Variants in DIP2B observed in about 807,000 individuals in gnomAD.
DIP2B encodes the protein disco-interacting protein 2 homolog B.
In DIP2B, 76 loss-of-function variants were observed where a neutral mutation model predicts 198.0. The ratio of observed to expected loss-of-function variants is 0.38; its 90% CI spans 0.32 to 0.46. The LOEUF is 0.46. DIP2B is among the 20% of genes least tolerant of loss of function. The pLI, the probability that DIP2B is intolerant of heterozygous loss-of-function variation, is 0.99. For missense variants in DIP2B, 1,559 were observed against 1,978.4 expected (o/e 0.79, Z 4.02); for synonymous variants, 701 against 739.1 (o/e 0.95, Z 0.84).
chr12:50,694,907 G>A (rs1521515), intron 14 of DIP2B, among the ~76,000 whole-genome samples: 134,827 of 152,030 alleles, frequency 0.89, 60,631 homozygotes, highest in Non-Finnish European at 0.98. Flanking sequence ...TTTAGCTTTA[G>A]AACAATTTAA....
At position 50,745,887 on chromosome 12, in the gene DIP2B, T is replaced by C. The variant is rs1940334621; in HGVS notation, c.*1048T>C. The C allele has an allele frequency of 6.6e-6, 1 of 152,200 alleles. No homozygotes were observed. The highest frequency in any genetic ancestry group is 2.1e-4 in the South Asian group (1 of 4,834). 9.4% of individuals were successfully genotyped at this position (152,200 alleles called of 1,614,324 possible). On this transcript the variant is annotated 3_prime_UTR_variant, in exon 38 of 38. Coordinates refer to ENST00000301180, the MANE Select transcript of DIP2B (RefSeq NM_173602.3). Reference sequence around the variant, plus strand: ...TGTGTCTACAGTTTATCCATATAACTTCTCTTCTGAAAACTGAGGAGTGTC... The same window carrying C: ...TGTGTCTACAGTTTATCCATATAACCTCTCTTCTGAAAACTGAGGAGTGTC...
At chr12:50,708,643 G>T (rs990231459) in intron 22 of DIP2B, 81 bp downstream of exon 22, 2 of 1,117,988 alleles carry the variant, frequency 1.8e-6, no homozygotes, top group Non-Finnish European at 2.6e-6. Flanking sequence ...CGATCAGCCA[G>T]TAATGCCACC....
intron 1 of DIP2B, among the ~76,000 whole-genome samples, chr12:50,575,868 C>T (rs1958655398): frequency 6.6e-6 from 1 of 152,052 alleles, no homozygotes; most frequent in Admixed American, 6.6e-5. Context: ...AGTGATTCTC[C>T]TGCCTCAGCC....
chr12:50,558,089 G>A (rs188830832), intron 1 of DIP2B, among the ~76,000 whole-genome samples: 343 of 10,836 alleles, frequency 0.032, 1 homozygote, highest in Admixed American at 0.069. Context: ...TTTCAGCTGA[G>A]CGCGGTAGCG....
chr12:50,617,695 G>A (rs1487320580), intron 1 of DIP2B, among the ~76,000 whole-genome samples: 1 of 152,072 alleles, frequency 6.6e-6, no homozygotes, highest in Non-Finnish European at 1.5e-5. Flanking sequence ...CATAGTTCCA[G>A]CTACTTGGAA....
At chr12:50,648,688 G>A (rs1445632757) in intron 3 of DIP2B, among the ~76,000 whole-genome samples, 1 of 135,322 alleles carries the variant, frequency 7.4e-6, no homozygotes, top group Non-Finnish European at 1.7e-5. Context: ...TTTTGAGTTG[G>A]GTTGTTCTTC....
intron 3 of DIP2B, among the ~76,000 whole-genome samples, chr12:50,643,043 TGA>T (rs977818347): frequency 6.6e-6 from 1 of 151,798 alleles, no homozygotes; most frequent in Non-Finnish European, 1.5e-5. Context: ...TGTGTGTGTG[TGA>T]GTGTGTGTGT....
intron 1 of DIP2B, among the ~76,000 whole-genome samples, chr12:50,543,390 A>G (rs974794812): frequency 3.9e-5 from 6 of 152,068 alleles, no homozygotes; most frequent in African/African-American, 1.4e-4. Flanking sequence ...CCCAGGTTCA[A>G]GCAATTCTCC....
At chr12:50,716,957 G>GTTTTTTT (rs1592140618) in intron 23 of DIP2B, among the ~76,000 whole-genome samples, 2 of 7,790 alleles carry the variant, frequency 2.6e-4, no homozygotes, top group African/African-American at 2.2e-4. Flanking sequence ...ACGAATTGTT[G>GTTTTTTT]CTTTTTTTTT....
Position 50,717,359 on chromosome 12 carries a change from C to CTTTTTTTTTTTTTTTTTT in DIP2B, c.2852-1343_2852-1326dup. ...GTGGCATGATCTCAGCTCACTGCAG[C>CTTTTTTTTTTTTTTTTTT]TTTTTTTTTTTTTTTTTTTTTTTTG... On this transcript the variant is annotated intron_variant, in intron 23 of 37. Transcript: ENST00000301180. Among the ~76,000 whole-genome samples the CTTTTTTTTTTTTTTTTTT allele has an allele frequency of 4.3e-5, 2 of 46,846 alleles. 1 individual carries two copies. The highest frequency in any genetic ancestry group is 1.6e-4 in the African/African-American group (2 of 12,416). The allele number at this position is 46,846 out of a possible 152,430, so 30.7% of individuals were successfully genotyped here. A position where few individuals can be genotyped will look rare whatever the true frequency, so the allele number is the denominator to read the frequency against.
At chr12:50,694,032 A>G (rs76643081) in intron 14 of DIP2B, among the ~76,000 whole-genome samples, 4 of 151,660 alleles carry the variant, frequency 2.6e-5, no homozygotes, top group Non-Finnish European at 4.4e-5. Flanking sequence ...TTTATCTAAC[A>G]AAAAAAAATT....
chr12:50,725,351 C>T (rs1020426783), intron 28 of DIP2B, among the ~76,000 whole-genome samples: 1 of 152,104 alleles, frequency 6.6e-6, no homozygotes, highest in Non-Finnish European at 1.5e-5. Context: ...CCCTGCCTGA[C>T]TTGAATATTT....
intron 1 of DIP2B, among the ~76,000 whole-genome samples, chr12:50,536,528 T>G (rs1958268942): frequency 6.6e-6 from 1 of 152,054 alleles, no homozygotes; most frequent in South Asian, 2.1e-4. Context: ...AGTTACATGT[T>G]GAATATTCTT....
At chr12:50,675,513 G>A in intron 7 of DIP2B, 65 bp downstream of exon 7, 1 of 1,486,180 alleles carries the variant, frequency 6.7e-7, no homozygotes, top group Non-Finnish European at 9.2e-7. Context: ...GTTACTATGT[G>A]TTAGGTACTG....
intron 1 of DIP2B, among the ~76,000 whole-genome samples, 168 bp downstream of exon 1, chr12:50,505,408 G>A (rs552261759): frequency 6.6e-6 from 1 of 152,310 alleles, no homozygotes; most frequent in Non-Finnish European, 1.5e-5. Flanking sequence ...ACCCCATTAA[G>A]TGGTTTCCTG....
intron 1 of DIP2B, among the ~76,000 whole-genome samples, chr12:50,623,552 C>G (rs1044033002): frequency 5.9e-5 from 9 of 151,730 alleles, no homozygotes; most frequent in Non-Finnish European, 2.9e-5. Flanking sequence ...CACACACTCT[C>G]ACTCACCCAA....
chr12:50,565,470 G>T, intron 1 of DIP2B, among the ~76,000 whole-genome samples: 1 of 152,194 alleles, frequency 6.6e-6, no homozygotes, highest in South Asian at 2.1e-4. Context: ...TAATTGTTTT[G>T]TATTTTTAGT....
chr12:50,576,849 G>T (rs1329366131), intron 1 of DIP2B, among the ~76,000 whole-genome samples: 4 of 151,360 alleles, frequency 2.6e-5, no homozygotes, highest in African/African-American at 9.7e-5. Context: ...TTCTCTCCCT[G>T]CAAACATCCC....
chr12:50,699,155 G>A lies in DIP2B; in HGVS notation c.2278G>A (p.Gly760Ser), dbSNP rs758108534. 9 of 1,614,102 alleles carry A rather than the reference G, an allele frequency of 5.6e-6. No homozygotes were observed. The highest frequency in any genetic ancestry group is 7.6e-6 in the Non-Finnish European group (9 of 1,180,042). Residue 760 changes from glycine to serine, a missense_variant, in exon 19 of 38, where the codon GGC becomes AGC. By Grantham distance (56) the Gly-to-Ser change is moderately conservative. Transcript: ENST00000301180. ...GEICVSSRTGGMMYFGLAGVT... is the reference protein window; with the variant it reads ...GEICVSSRTGSMMYFGLAGVT... ...AATCTGTGTTAGCTCCAGAACTGGAGGCATGATGTACTTTGGGCTTGCTGG... is the reference window on the plus strand; with the variant it reads ...AATCTGTGTTAGCTCCAGAACTGGAAGCATGATGTACTTTGGGCTTGCTGG...
Sources: allele counts gnomAD v4.1 joint callset (sites outside exome capture counted in the v4.1 genomes callset), GRCh38; gene constraint gnomAD v4.1.1; transcripts MANE v1.5; gene names NCBI Gene and HGNC (gene_info 2026-07-23, HGNC 2026-07-21).